Variants in TSPEAR observed in about 807,000 individuals in gnomAD.
The protein encoded by TSPEAR is thrombospondin-type laminin G domain and EAR repeat-containing protein.
In TSPEAR, 69 loss-of-function variants were observed where a neutral mutation model predicts 71.6. The observed-to-expected ratio is 0.96, with a 90% CI of 0.79 to 1.18. The LOEUF is 1.18. Ranked by LOEUF, TSPEAR falls within the 50% of genes most tolerant of loss-of-function variation. TSPEAR has a pLI of 0.00. For missense variants in TSPEAR, 971 were observed against 894.9 expected (o/e 1.09, Z -1.09); for synonymous variants, 402 against 387.2 (o/e 1.04, Z -0.45).
intron 1 of TSPEAR, chr21:44,637,782 C>T (rs782686147): frequency 7.4e-7 from 1 of 1,355,342 alleles, no homozygotes; most frequent in South Asian, 1.4e-5. Flanking sequence ...TGCTCCGAGT[C>T]TTCCCCTTCA....
At position 44,711,490 on chromosome 21, in the gene TSPEAR, AAC is replaced by A. The variant is rs1555953630; in HGVS notation, c.23_24del (p.Cys8PhefsTer34). 12 of 1,612,008 alleles carry A rather than the reference AAC, an allele frequency of 7.4e-6. No homozygotes were observed. Among genetic ancestry groups the A allele is most frequent in the East Asian group, 4.5e-5 (2 of 44,834 alleles). ...CCGGGGGCCGCCAGGGGCAGCACAA[AAC>A]ACAGACTCAGCAGGGCAGACATGAG... Reference protein sequence around the residue: MSALLSLCFVLPLAAPGH... With the variant: MSALLSLXFVLPLAAPGH... On this transcript the variant is annotated frameshift_variant, in exon 1 of 12. Transcript: ENST00000323084. LOFTEE classifies it high-confidence loss of function. The surrounding 1 kb of genome is among the most constrained non-coding windows in gnomAD (Gnocchi z 4.5).
chr21:44,616,814 G>A (rs782376193), intron 1 of TSPEAR, among the ~76,000 whole-genome samples: 23 of 152,390 alleles, frequency 1.5e-4, no homozygotes, highest in African/African-American at 5.0e-4. Context: ...GCCCGCACAA[G>A]CCTCAGCCTC....
chr21:44,688,011 C>T (rs11909180), intron 1 of TSPEAR, among the ~76,000 whole-genome samples: 33,955 of 151,924 alleles, frequency 0.22, 3,856 homozygotes, highest in Middle Eastern at 0.3. Context: ...GGGCCGGGCG[C>T]GTGGATGCCC....
chr21:44,625,325 G>C (rs976831080), intron 1 of TSPEAR, among the ~76,000 whole-genome samples: 1 of 152,212 alleles, frequency 6.6e-6, no homozygotes, highest in East Asian at 1.9e-4. Flanking sequence ...ACGCACGGTG[G>C]CTTACGCCTG....
chr21:44,551,111 C>T (rs1555918720), intron 2 of TSPEAR: 1 of 1,557,776 alleles, frequency 6.4e-7, no homozygotes, highest in Non-Finnish European at 8.8e-7. Context: ...ATGAAGAAGC[C>T]CCACAGCAGA....
At chr21:44,709,740 C>T (rs1555953228) in intron 1 of TSPEAR, among the ~76,000 whole-genome samples, 1 of 152,252 alleles carries the variant, frequency 6.6e-6, no homozygotes, top group African/African-American at 2.4e-5. Context: ...CACGCTAAGG[C>T]GGAATCCCAC....
intron 11 of TSPEAR, among the ~76,000 whole-genome samples, chr21:44,501,729 C>T (rs970112483): frequency 6.6e-6 from 1 of 152,186 alleles, no homozygotes; most frequent in African/African-American, 2.4e-5. Flanking sequence ...TATGCCACTG[C>T]ACTTCAGCCT....
chr21:44,535,918 GA>G (rs57116003), intron 2 of TSPEAR, among the ~76,000 whole-genome samples: 35,228 of 144,848 alleles, frequency 0.24, 4,862 homozygotes, highest in African/African-American at 0.38. Context: ...AAGGAAAAAA[GA>G]AAAAAAAAAA....
At chr21:44,519,359 C>G (rs1021247534) in intron 9 of TSPEAR, 1 of 152,386 alleles carries the variant, frequency 6.6e-6, no homozygotes, top group Non-Finnish European at 1.5e-5. Context: ...CCACTGTCCC[C>G]GCGTATCGAG....
At chr21:44,650,454 G>A (rs1689467253) in intron 1 of TSPEAR, among the ~76,000 whole-genome samples, 2 of 152,106 alleles carry the variant, frequency 1.3e-5, no homozygotes, top group South Asian at 4.1e-4. Flanking sequence ...GACGACGGGG[G>A]CAGAGATTGG....
chr21:44,692,469 C>T (rs1216059461), intron 1 of TSPEAR, among the ~76,000 whole-genome samples: 6 of 152,066 alleles, frequency 3.9e-5, no homozygotes, highest in African/African-American at 1.4e-4. Flanking sequence ...CCCAAAGAAT[C>T]CACAAGAAAG....
Position 44,506,105 on chromosome 21 carries a change from G to A in TSPEAR, c.1755-1224C>T, listed in dbSNP as rs913051639. ...CCTACAGGACCTGCAGGACCTGCTC[G>A]TTCACAGATGTTCTCCTAGAAGCAG... On this transcript the variant is annotated intron_variant, in intron 10 of 11. Transcript: ENST00000323084. This position sits in a 1 kb window ranked among gnomAD's most constrained non-coding sequence, Gnocchi z 4.2. 3.3e-5 allele frequency among the ~76,000 whole-genome samples: 5 copies of A among 152,226 alleles called. No individual in the cohort carries two copies. Among genetic ancestry groups the A allele is most frequent in the African/African-American group, 4.8e-5 (2 of 41,462 alleles).
Position 44,514,518 on chromosome 21 carries a change from C to G in TSPEAR, c.1567-5132G>C, listed in dbSNP as rs59571442. On this transcript the variant is annotated intron_variant, in intron 9 of 11. Coordinates refer to ENST00000323084, the MANE Select transcript of TSPEAR (RefSeq NM_144991.3). ...GCTGGCCTTGTGAGGACCCCACATG[C>G]CGACAGCTGCAATCACAGAAGCACC... Among the ~76,000 whole-genome samples, 555 of 152,324 alleles carry G rather than the reference C, an allele frequency of 3.6e-3. 8 individuals carry two copies. The highest frequency in any genetic ancestry group is 0.013 in the African/African-American group (527 of 41,564).
At chr21:44,704,397 A>G (rs950302590) in intron 1 of TSPEAR, among the ~76,000 whole-genome samples, 6 of 152,130 alleles carry the variant, frequency 3.9e-5, no homozygotes, top group African/African-American at 1.2e-4. Flanking sequence ...GCCTCCTTCT[A>G]GCCAAGTCCA....
chr21:44,589,937 G>A (rs1173323880), intron 1 of TSPEAR, among the ~76,000 whole-genome samples: 1 of 152,226 alleles, frequency 6.6e-6, no homozygotes, highest in Non-Finnish European at 1.5e-5. Context: ...AGGGCAGGAA[G>A]AAAACATCTC....
chr21:44,557,771 A>C, intron 2 of TSPEAR: 1 of 495,832 alleles, frequency 2.0e-6, no homozygotes, highest in East Asian at 3.3e-5. Context: ...TTTGCCAGAT[A>C]TGCAAAAAAG....
chr21:44,574,478 G>A, intron 1 of TSPEAR: 6 of 1,610,282 alleles, frequency 3.7e-6, no homozygotes, highest in Non-Finnish European at 5.1e-6. Flanking sequence ...TCTGCTGCAA[G>A]CCTGTGTGCT....
intron 1 of TSPEAR, among the ~76,000 whole-genome samples, chr21:44,578,434 C>T (rs587630160): frequency 3.3e-5 from 5 of 152,278 alleles, no homozygotes; most frequent in Non-Finnish European, 5.9e-5. Context: ...TCCCGAATGG[C>T]TTTGCCATTG....
At chr21:44,689,154 A>G (rs1304575077) in intron 1 of TSPEAR, among the ~76,000 whole-genome samples, 1 of 152,180 alleles carries the variant, frequency 6.6e-6, no homozygotes, top group African/African-American at 2.4e-5. Context: ...CAAGACCAAG[A>G]TAAACTAACA....
Sources: gnomAD v4.1 joint callset for allele counts (sites outside exome capture counted in the v4.1 genomes callset) on GRCh38, gnomAD v4.1.1 for gene constraint, Gnocchi (gnomAD v3.1) non-coding constraint, MANE v1.5 for transcripts, NCBI Gene and HGNC (gene_info 2026-07-23, HGNC 2026-07-21) for gene names.